DNAH12: variants seen among roughly 807,000 people sequenced by gnomAD.
The protein encoded by DNAH12 is dynein axonemal heavy chain 12, also known as axonemal beta dynein heavy chain 12.
In DNAH12, 285 loss-of-function variants were observed where a neutral mutation model predicts 371.5. That is an observed-to-expected ratio of 0.77 (90% CI 0.70 to 0.85). The LOEUF (loss-of-function observed/expected upper bound fraction) is 0.85, where lower values mean the gene tolerates loss of function less well. DNAH12 is among the 40% of genes least tolerant of loss of function. The pLI is 0.00. For missense variants in DNAH12, 3,611 were observed against 3,689.4 expected (o/e 0.98, Z 0.55); for synonymous variants, 1,200 against 1,213.0 (o/e 0.99, Z 0.22).
chr3:57,553,237 AG>A, the DNAH12 span, among the ~76,000 whole-genome samples: 3 of 152,200 alleles, frequency 2.0e-5, no homozygotes. Context: ...TGCATCAGCC[AG>A]TCTCATCTTA....
At chr3:57,546,910 G>A (rs1224127703), upstream of DNAH12, among the ~76,000 whole-genome samples, 1 of 152,068 alleles carries the variant, frequency 6.6e-6, no homozygotes, top group South Asian at 2.1e-4. Context: ...CACCTTAGGA[G>A]GCCGAGCCAG....
intron 57 of DNAH12, among the ~76,000 whole-genome samples, chr3:57,364,089 T>C (rs1041358862): frequency 6.6e-6 from 1 of 152,162 alleles, no homozygotes; most frequent in Admixed American, 6.5e-5. Flanking sequence ...AGTATGAACT[T>C]CTTATCTATT....
intron 61 of DNAH12, 77 bp downstream of exon 61, chr3:57,334,695 TATTTAAAACC>T: frequency 6.7e-7 from 1 of 1,502,256 alleles, no homozygotes; most frequent in Non-Finnish European, 8.9e-7. Flanking sequence ...ACCAGACAGC[TATTTAAAACC>T]ATTTAAAAAT....
intron 70 of DNAH12, among the ~76,000 whole-genome samples, chr3:57,298,539 G>A (rs2061280197): frequency 6.6e-6 from 1 of 152,188 alleles, no homozygotes; most frequent in Non-Finnish European, 1.5e-5. Flanking sequence ...TTACATGAGG[G>A]AACAAACTTC....
chr3:57,385,731 T>C (rs1490831674), intron 47 of DNAH12, among the ~76,000 whole-genome samples: 1 of 151,922 alleles, frequency 6.6e-6, no homozygotes, highest in Non-Finnish European at 1.5e-5. Flanking sequence ...AAAATAAAAA[T>C]ATTTGCCAGG....
intron 65 of DNAH12, among the ~76,000 whole-genome samples, chr3:57,321,424 G>C (rs2061803439): frequency 6.6e-6 from 1 of 152,112 alleles, no homozygotes; most frequent in African/African-American, 2.4e-5. Context: ...GTTGGGGTGA[G>C]GGCAGGGGAT....
At chr3:57,487,859 C>T (rs1437306171) in intron 12 of DNAH12, among the ~76,000 whole-genome samples, 1 of 139,694 alleles carries the variant, frequency 7.2e-6, no homozygotes, top group Admixed American at 7.5e-5. Context: ...TAAACATAAA[C>T]TTATAAAGTG....
At chr3:57,485,063 G>A (rs1403930284) in intron 12 of DNAH12, among the ~76,000 whole-genome samples, 1 of 152,154 alleles carries the variant, frequency 6.6e-6, no homozygotes, top group Non-Finnish European at 1.5e-5. Flanking sequence ...GGTGAAAAGG[G>A]AACACTTAAA....
chr3:57,467,181 T>C (rs111760710), intron 17 of DNAH12, among the ~76,000 whole-genome samples: 2 of 152,300 alleles, frequency 1.3e-5, no homozygotes, highest in African/African-American at 4.8e-5. Context: ...TGCAGAGGCA[T>C]GATCTCGGCT....
intron 60 of DNAH12, among the ~76,000 whole-genome samples, chr3:57,348,554 C>T (rs2062599573): frequency 6.6e-6 from 1 of 152,036 alleles, no homozygotes; most frequent in Non-Finnish European, 1.5e-5. Flanking sequence ...ATATATCACT[C>T]TGGTAAGGGG....
At chr3:57,444,892 C>T in intron 28 of DNAH12, 76 bp from the exon 29 acceptor site, 1 of 1,471,066 alleles carries the variant, frequency 6.8e-7, no homozygotes, top group South Asian at 1.4e-5. Context: ...CCCTCCCAGC[C>T]CCGGCCTGCC....
intron 9 of DNAH12, among the ~76,000 whole-genome samples, chr3:57,503,638 C>T (rs763359804): frequency 1.1e-4 from 16 of 152,236 alleles, no homozygotes; most frequent in South Asian, 2.1e-4. Context: ...CCGCCTGCCT[C>T]GGCCTCCTAA....
At chr3:57,498,120 A>G (rs1302649876) in intron 11 of DNAH12, 1 of 169,164 alleles carries the variant, frequency 5.9e-6, no homozygotes. Flanking sequence ...AATTAAAACC[A>G]CAGTGGGATA....
chr3:57,372,130 T>C (rs951296291), intron 55 of DNAH12, among the ~76,000 whole-genome samples: 1 of 151,750 alleles, frequency 6.6e-6, no homozygotes, highest in African/African-American at 2.4e-5. Context: ...AAAAGAAGAA[T>C]TGGAATATTC....
At chr3:57,429,156 C>A (rs545067819) in intron 33 of DNAH12, among the ~76,000 whole-genome samples, 22 of 148,504 alleles carry the variant, frequency 1.5e-4, no homozygotes, top group Non-Finnish European at 3.1e-4. Flanking sequence ...ATCCTCCTCA[C>A]AGATGCTCAC....
chr3:57,352,281 AATGTGAATTAACATAT>A, intron 59 of DNAH12, 56 bp from the exon 60 acceptor site: 1 of 1,467,024 alleles, frequency 6.8e-7, no homozygotes, highest in Non-Finnish European at 9.1e-7. Context: ...AAATATAAGC[AATGTGAATTAACATAT>A]ACACTTTTTA....
At chr3:57,319,720 C>T (rs924973188) in intron 65 of DNAH12, among the ~76,000 whole-genome samples, 1 of 151,348 alleles carries the variant, frequency 6.6e-6, no homozygotes, top group Non-Finnish European at 1.5e-5. Flanking sequence ...GGGATTATAG[C>T]CACATGCCAC....
intron 59 of DNAH12, among the ~76,000 whole-genome samples, chr3:57,354,321 C>T (rs1054303533): frequency 6.6e-5 from 10 of 152,016 alleles, no homozygotes; most frequent in African/African-American, 2.4e-4. Flanking sequence ...AGGAAGGGAA[C>T]AATAGACACT....
chr3:57,403,541 A>T, intron 42 of DNAH12, 40 bp from the exon 43 acceptor site: 1 of 1,484,612 alleles, frequency 6.7e-7, no homozygotes, highest in African/African-American at 1.4e-5. Context: ...ATTACAATAT[A>T]AATGTAAATG....
Sources: gnomAD v4.1 joint callset for allele counts (sites outside exome capture counted in the v4.1 genomes callset) on GRCh38, gnomAD v4.1.1 for gene constraint, MANE v1.5 for transcripts, NCBI Gene and HGNC (gene_info 2026-07-23, HGNC 2026-07-21) for gene names.